The following QTMAN variants were observed in gnomAD, a reference collection of about 807,000 sequenced individuals.
QTMAN encodes tRNA-queuosine alpha-mannosyltransferase.
chr2:144,133,116 A>AATAT, the QTMAN span, among the ~76,000 whole-genome samples: 1,289 of 41,142 alleles, frequency 0.031, 16 homozygotes, highest in Non-Finnish European at 0.036. Context: ...AATGACTGGT[A>AATAT]ATATATATAT....
At chr2:143,998,436 G>T in the QTMAN span, among the ~76,000 whole-genome samples, 162 of 151,216 alleles carry the variant, frequency 1.1e-3, no homozygotes, top group South Asian at 4.9e-3. Context: ...CGACAGAAGG[G>T]GGGGGAAAGC....
the QTMAN span, chr2:143,970,770 TAAAC>T: frequency 2.9e-6 from 4 of 1,384,474 alleles, no homozygotes; most frequent in East Asian, 6.8e-5. Context: ...TCCCTGGAAA[TAAAC>T]ACACAAAATA....
the QTMAN span, among the ~76,000 whole-genome samples, chr2:144,247,525 T>C: frequency 6.6e-6 from 1 of 152,018 alleles, no homozygotes; most frequent in South Asian, 2.1e-4. Context: ...TAGTGAAAAA[T>C]CTTCAAAGAC....
the QTMAN span, among the ~76,000 whole-genome samples, chr2:144,331,434 C>G: frequency 1.1e-4 from 17 of 151,364 alleles, no homozygotes; most frequent in Non-Finnish European, 2.1e-4. Flanking sequence ...CCAAGTGAGC[C>G]ACGGCAGCCG....
the QTMAN span, among the ~76,000 whole-genome samples, chr2:144,147,295 T>C: frequency 1.9e-4 from 29 of 151,752 alleles, no homozygotes; most frequent in South Asian, 1.7e-3. Context: ...GGAGATGCAC[T>C]TATTTTTTAA....
At chr2:143,999,710 A>C in the QTMAN span, among the ~76,000 whole-genome samples, 1 of 152,084 alleles carries the variant, frequency 6.6e-6, no homozygotes, top group African/African-American at 2.4e-5. Context: ...GAATCTGATC[A>C]AAAGAATGGT....
At chr2:144,133,840 A>G in the QTMAN span, among the ~76,000 whole-genome samples, 6 of 151,826 alleles carry the variant, frequency 4.0e-5, no homozygotes, top group African/African-American at 1.5e-4. Context: ...ATTGTTAGCA[A>G]ATATGGTTAA....
At chr2:144,234,001 C>G in the QTMAN span, among the ~76,000 whole-genome samples, 1 of 151,742 alleles carries the variant, frequency 6.6e-6, no homozygotes, top group South Asian at 2.1e-4. Flanking sequence ...ACCATAAAAT[C>G]CAGGCCAAAA....
chr2:144,192,876 A>G, the QTMAN span, among the ~76,000 whole-genome samples: 1 of 152,168 alleles, frequency 6.6e-6, no homozygotes, highest in Non-Finnish European at 1.5e-5. Flanking sequence ...TAGAACATTT[A>G]TTTTCATTTA....
the QTMAN span, among the ~76,000 whole-genome samples, chr2:144,223,646 A>G: frequency 6.6e-6 from 1 of 152,218 alleles, no homozygotes; most frequent in Non-Finnish European, 1.5e-5. Context: ...TTACTGCCCA[A>G]TTATAGACTT....
At chr2:144,102,434 G>T in the QTMAN span, among the ~76,000 whole-genome samples, 1 of 152,166 alleles carries the variant, frequency 6.6e-6, no homozygotes, top group African/African-American at 2.4e-5. Flanking sequence ...ACTTTATGGG[G>T]TTGTTTTACT....
the QTMAN span, among the ~76,000 whole-genome samples, chr2:144,328,255 TTA>T: frequency 5.9e-5 from 9 of 152,180 alleles, no homozygotes; most frequent in Non-Finnish European, 1.3e-4. Flanking sequence ...CTGGCTCTGG[TTA>T]TTTTTTAAAC....
At chr2:144,202,298 C>T in the QTMAN span, among the ~76,000 whole-genome samples, 4 of 152,156 alleles carry the variant, frequency 2.6e-5, no homozygotes, top group African/African-American at 9.7e-5. Context: ...AAATCAGAGA[C>T]AGTAGCAAAA....
chr2:144,274,036 A>G, the QTMAN span, among the ~76,000 whole-genome samples: 1 of 152,164 alleles, frequency 6.6e-6, no homozygotes, highest in Non-Finnish European at 1.5e-5. Flanking sequence ...CAGGAGGCTG[A>G]GGCAGGAGAA....
the QTMAN span, among the ~76,000 whole-genome samples, chr2:144,133,116 A>T: frequency 1.7e-4 from 7 of 41,376 alleles, no homozygotes; most frequent in African/African-American, 3.8e-4. Flanking sequence ...AATGACTGGT[A>T]ATATATATAT....
chr2:144,183,022 T>G, the QTMAN span, among the ~76,000 whole-genome samples: 1 of 147,536 alleles, frequency 6.8e-6, no homozygotes, highest in Non-Finnish European at 1.5e-5. Flanking sequence ...AAGGTTTTCT[T>G]GTAAGCATTA....
At chr2:144,068,157 G>A in the QTMAN span, among the ~76,000 whole-genome samples, 1 of 151,964 alleles carries the variant, frequency 6.6e-6, no homozygotes. Flanking sequence ...ACTTGTGCAC[G>A]CACACATGAA....
the QTMAN span, among the ~76,000 whole-genome samples, chr2:143,984,451 T>C: frequency 1.3e-4 from 20 of 152,168 alleles, no homozygotes; most frequent in Admixed American, 1.3e-3. Context: ...AATCCTTCCT[T>C]AGCAGAGAAT....
chr2:144,051,824 C>A, the QTMAN span, among the ~76,000 whole-genome samples: 1 of 152,096 alleles, frequency 6.6e-6, no homozygotes, highest in South Asian at 2.1e-4. Flanking sequence ...AAAGAAAAGG[C>A]GGAGGGGCAG....
Sources: allele counts gnomAD v4.1 joint callset (sites outside exome capture counted in the v4.1 genomes callset), GRCh38; gene constraint gnomAD v4.1.1; transcripts MANE v1.5; gene names NCBI Gene and HGNC (gene_info 2026-07-23, HGNC 2026-07-21).